ADAMTS12: variants seen among roughly 807,000 people sequenced by gnomAD.
ADAMTS12 encodes the protein ADAM metallopeptidase with thrombospondin type 1 motif 12, also known as A disintegrin and metalloproteinase with thrombospondin motifs 12.
A neutral mutation model predicts 167.8 loss-of-function variants in ADAMTS12; 118 were observed. The ratio of observed to expected loss-of-function variants is 0.70; its 90% confidence interval spans 0.61 to 0.82. ADAMTS12 has a LOEUF of 0.82. Ranked by LOEUF, ADAMTS12 falls within the 40% of genes least tolerant of loss-of-function variation. The pLI is 0.00. For synonymous variants in ADAMTS12, 704 were observed against 716.9 expected, an observed-to-expected ratio of 0.98 and a Z score of 0.29; for missense variants, 1,916 against 1,998.8, an observed-to-expected ratio of 0.96 and a Z score of 0.79.
intron 3 of ADAMTS12, among the ~76,000 whole-genome samples, chr5:33,740,611 T>A (rs1016720643): frequency 3.9e-5 from 6 of 152,138 alleles, no homozygotes; most frequent in African/African-American, 1.4e-4. Flanking sequence ...TATGTCCCAC[T>A]CCAAGACACT....
chr5:33,639,558 G>A (rs1010885093), intron 11 of ADAMTS12, among the ~76,000 whole-genome samples: 3 of 152,150 alleles, frequency 2.0e-5, no homozygotes, highest in South Asian at 2.1e-4. Flanking sequence ...CATGTCGAGC[G>A]AGCAGTCCAG....
intron 18 of ADAMTS12, among the ~76,000 whole-genome samples, 172 bp downstream of exon 18, chr5:33,588,427 T>G (rs1188724270): frequency 1.3e-5 from 2 of 152,086 alleles, no homozygotes; most frequent in Admixed American, 6.5e-5. Flanking sequence ...AGATCCCCTA[T>G]GAATGGAAAA....
At chr5:33,704,642 C>T (rs1445265338) in intron 3 of ADAMTS12, among the ~76,000 whole-genome samples, 1 of 152,090 alleles carries the variant, frequency 6.6e-6, no homozygotes, top group Non-Finnish European at 1.5e-5. Flanking sequence ...CATTTATATG[C>T]CTTCTTTGAA....
chr5:33,867,281 A>G (rs1156422401), intron 2 of ADAMTS12, among the ~76,000 whole-genome samples: 1 of 152,318 alleles, frequency 6.6e-6, no homozygotes, highest in South Asian at 2.1e-4. Context: ...ATCCAGCCAT[A>G]AAAAAGAAGA....
At position 33,683,939 on chromosome 5, in the gene ADAMTS12, G is replaced by C; in HGVS notation, c.751C>G (p.Leu251Val). Residue 251 changes from leucine (L) to valine (V), a missense_variant, in exon 4 of 24, where the codon CTG (leucine) becomes GTG (valine). Physicochemically the swap from Leu to Val is conservative, Grantham distance 32. Coordinates refer to ENST00000504830, the MANE Select transcript of ADAMTS12 (RefSeq NM_030955.4). ...ATCATCTTTGTGTCGGCCACCACCA[G>C]TGTCTCCACCCATCTCTCCTTGCTG... ...SISKERWVET[L>V]VVADTKMIEY... The C allele has an allele frequency of 1.9e-6, 3 of 1,611,474 alleles. No individual in the cohort carries two copies. Among genetic ancestry groups the C allele is most frequent in the Non-Finnish European group, 2.5e-6 (3 of 1,179,016 alleles).
intron 19 of ADAMTS12, among the ~76,000 whole-genome samples, chr5:33,566,175 A>G (rs1021266345): frequency 6.6e-6 from 1 of 152,234 alleles, no homozygotes; most frequent in African/African-American, 2.4e-5. Flanking sequence ...TGGAATAGCC[A>G]AAACCCAAAT....
At position 33,733,998 on chromosome 5, in the gene ADAMTS12, TACACACACACACACACACAC is replaced by T. The variant is rs147754057; in HGVS notation, c.634+17386_634+17405del. 8.9e-4 allele frequency among the ~76,000 whole-genome samples: 124 copies of T among 139,474 alleles called. 1 individual carries two copies. The highest frequency in any genetic ancestry group is 3.0e-3 in the African/African-American group (113 of 37,060). 91.5% of individuals were successfully genotyped at this position (139,474 alleles called of 152,430 possible). On this transcript the variant is annotated intron_variant, in intron 3 of 23. Coordinates refer to ENST00000504830, the MANE Select transcript of ADAMTS12 (RefSeq NM_030955.4). The stretch of plus-strand genomic sequence containing the variant: ...GATGTCAAAGCCTACACTTCCCCAC[TACACACACACACACACACAC>T]ACACACACACACACACACACACACA...
At chr5:33,832,913 G>GA (rs1381678401) in intron 2 of ADAMTS12, among the ~76,000 whole-genome samples, 1 of 151,722 alleles carries the variant, frequency 6.6e-6, no homozygotes, top group African/African-American at 2.4e-5. Context: ...AAGTGAAGGG[G>GA]AAAAAAGCCA....
chr5:33,627,266 AGGTAGTGGTGGTTATGT>A (rs1739701005), intron 13 of ADAMTS12, among the ~76,000 whole-genome samples: 1 of 125,376 alleles, frequency 8.0e-6, no homozygotes, highest in South Asian at 2.7e-4. Flanking sequence ...GTGGAGGTAG[AGGTAGTGGTGGTTATGT>A]GGTAGTGGTG....
intron 2 of ADAMTS12, among the ~76,000 whole-genome samples, chr5:33,856,237 C>T (rs1749397637): frequency 6.6e-6 from 1 of 152,126 alleles, no homozygotes; most frequent in Non-Finnish European, 1.5e-5. Flanking sequence ...ACACACACAT[C>T]CCCCGCAAAA....
rs1324590795 is a variant in ADAMTS12, at chr5:33,777,892, C to T, written c.490-26344G>A. ...TTTTTATATAGTAACAAAGAGCTAT[C>T]CCAAAAGAAATTTTTAAAAAATCAC... is the stretch of plus-strand genomic sequence containing the variant. On this transcript the variant is annotated intron_variant, in intron 2 of 23. Transcript: ENST00000504830. 4.0e-5 allele frequency among the ~76,000 whole-genome samples: 6 copies of T among 151,314 alleles called. No individual in the cohort carries two copies. The East Asian group carries it at 1.2e-3, about 29-fold the overall frequency.
At chr5:33,826,578 G>GTA (rs202137626) in intron 2 of ADAMTS12, among the ~76,000 whole-genome samples, 84,598 of 145,436 alleles carry the variant, frequency 0.58, 24,289 homozygotes, top group Non-Finnish European at 0.64. Flanking sequence ...GTGTATGTGT[G>GTA]TGTGTGTGTA....
intron 2 of ADAMTS12, among the ~76,000 whole-genome samples, chr5:33,853,488 A>T (rs1749291333): frequency 6.6e-6 from 1 of 152,202 alleles, no homozygotes; most frequent in South Asian, 2.1e-4. Flanking sequence ...AACACAGCAG[A>T]GAATAGGGGA....
intron 1 of ADAMTS12, among the ~76,000 whole-genome samples, chr5:33,886,786 C>A (rs1005974476): frequency 6.6e-6 from 1 of 152,056 alleles, no homozygotes; most frequent in Non-Finnish European, 1.5e-5. Flanking sequence ...GGGTCACTTA[C>A]AAAGTGTGGT....
chr5:33,635,037 A>G (rs1355475924), intron 12 of ADAMTS12, among the ~76,000 whole-genome samples: 2 of 152,056 alleles, frequency 1.3e-5, no homozygotes, highest in African/African-American at 4.8e-5. Flanking sequence ...GTATTGATGT[A>G]TTATATTAGG....
At chr5:33,548,704 A>G (rs931361156) in intron 21 of ADAMTS12, among the ~76,000 whole-genome samples, 1 of 148,856 alleles carries the variant, frequency 6.7e-6, no homozygotes, top group Non-Finnish European at 1.5e-5. Context: ...TAAAGAGAGC[A>G]CACACACACA....
intron 3 of ADAMTS12, among the ~76,000 whole-genome samples, chr5:33,711,087 T>TCAAATACCATGTCCTA (rs1204527152): frequency 2.1e-4 from 32 of 152,148 alleles, no homozygotes; most frequent in African/African-American, 7.7e-4. Flanking sequence ...ACCACCATTT[T>TCAAATACCATGTCCTA]CAAATACCAT....
intron 2 of ADAMTS12, among the ~76,000 whole-genome samples, chr5:33,864,095 A>G (rs1405862105): frequency 6.6e-6 from 1 of 152,230 alleles, no homozygotes; most frequent in Non-Finnish European, 1.5e-5. Flanking sequence ...CTAAAACCAT[A>G]AAAACCCTAG....
chr5:33,668,175 G>A (rs4524517), intron 5 of ADAMTS12, among the ~76,000 whole-genome samples: 147,808 of 152,320 alleles, frequency 0.97, 71,874 homozygotes, highest in East Asian at 1. Flanking sequence ...CATAGCCTAC[G>A]TTAAGTGTGC....
Sources: gnomAD v4.1 joint callset for allele counts (sites outside exome capture counted in the v4.1 genomes callset) on GRCh38, gnomAD v4.1.1 for gene constraint, MANE v1.5 for transcripts, NCBI Gene and HGNC (gene_info 2026-07-23, HGNC 2026-07-21) for gene names.